SLC5A3: variants seen among roughly 807,000 people sequenced by gnomAD.
SLC5A3 encodes sodium/myo-inositol cotransporter.
SLC5A3 carries 10 observed loss-of-function variants against 43.2 expected under a neutral mutation model. That is an observed-to-expected ratio of 0.23 (90% CI 0.14 to 0.39). The LOEUF is 0.39. Among genes scored for constraint, SLC5A3 ranks in the 10% least tolerant of loss-of-function variants. SLC5A3 has a pLI of 1.00. For missense variants in SLC5A3, 608 were observed against 893.4 expected (o/e 0.68, Z 4.07); for synonymous variants, 349 against 322.0 (o/e 1.08, Z -0.90).
In SLC5A3 at chr21:34,100,162, A is replaced by C; in HGVS notation, c.*2807A>C. On this transcript the variant is annotated 3_prime_UTR_variant, in exon 2 of 2. Transcript: ENST00000381151. ...AGCTAAAAGTCAAAATGAGGTGAGG[A>C]CACTGGTCTTGGAAGGTAGAGAAAA... The C allele has an allele frequency of 1.0e-6, 1 of 1,000,018 alleles. No individual in the cohort carries two copies. Among genetic ancestry groups the C allele is most frequent in the Non-Finnish European group, 1.2e-6 (1 of 829,744 alleles). The allele number at this position is 1,000,018 out of a possible 1,614,324, so 61.9% of individuals were successfully genotyped here. A position where few individuals can be genotyped will look rare whatever the true frequency, so the allele number is the denominator to read the frequency against.
rs1228898241 is a variant in SLC5A3, at chr21:34,101,685, A to G, written c.*4330A>G. On this transcript the variant is annotated 3_prime_UTR_variant, in exon 2 of 2. Coordinates refer to ENST00000381151, the MANE Select transcript of SLC5A3 (RefSeq NM_006933.7). ...TAAGGCATATTGGCATGGTGTGTGA[A>G]AGTGATGTTTTGCCCCAGTATTGAG... is the stretch of plus-strand genomic sequence containing the variant. 6 of 999,964 alleles carry G rather than the reference A, an allele frequency of 6.0e-6. No homozygotes were observed. The highest frequency in any genetic ancestry group is 1.7e-5 in the African/African-American group (1 of 57,224). 61.9% of individuals were successfully genotyped at this position (999,964 alleles called of 1,614,324 possible).
rs1408411296 is a variant in SLC5A3 at position 34,100,012 on chromosome 21, G to A, written c.*2657G>A. 1.2e-6 allele frequency: 1 copy of A among 817,928 alleles called. No homozygotes were observed. Among genetic ancestry groups the A allele is most frequent in the African/African-American group, 1.9e-5 (1 of 53,618 alleles). The allele number at this position is 817,928 out of a possible 1,614,324, so 50.7% of individuals were successfully genotyped here. A position where few individuals can be genotyped will look rare whatever the true frequency, so the allele number is the denominator to read the frequency against. ...ATGGACTGTCTTAAGCTAGCAAAATGTTCATACTTTACACTGACTAAATGG... is the reference window on the plus strand; with the variant it reads ...ATGGACTGTCTTAAGCTAGCAAAATATTCATACTTTACACTGACTAAATGG... On this transcript the variant is annotated 3_prime_UTR_variant, in exon 2 of 2. Coordinates refer to ENST00000381151, the MANE Select transcript of SLC5A3 (RefSeq NM_006933.7).
Position 34,097,231 on chromosome 21 carries a change from T to C in SLC5A3, c.2033T>C (p.Met678Thr), listed in dbSNP as rs781226805. 1.2e-6 allele frequency: 2 copies of C among 1,614,060 alleles called. No individual in the cohort carries two copies. The highest frequency in any genetic ancestry group is 3.3e-5 in the Admixed American group (2 of 60,022). The part of the protein sequence containing the change: ...SLSKRSLRDL[M>T]EEEAVCLQML... ...AGCAAGAGGAGTCTCAGAGACCTGA[T>C]GGAAGAGGAGGCTGTTTGTTTACAG... Residue 678 changes from methionine to threonine, a missense_variant, in exon 2 of 2, where the codon ATG (methionine) becomes ACG (threonine). Transcript: ENST00000381151.
chr21:34,100,110 G>A lies in SLC5A3; in HGVS notation c.*2755G>A. On this transcript the variant is annotated 3_prime_UTR_variant, in exon 2 of 2. Transcript: ENST00000381151. ...TTATATTAGCTCAAGCTAAGGTTCA[G>A]AATTGAAGCTTGATATTGACTAGAA... The A allele has an allele frequency of 1.0e-6, 1 of 999,108 alleles. No homozygotes were observed. Among genetic ancestry groups the A allele is most frequent in the African/African-American group, 1.7e-5 (1 of 57,326 alleles). 61.9% of individuals were successfully genotyped at this position (999,108 alleles called of 1,614,324 possible).
intron 1 of SLC5A3, among the ~76,000 whole-genome samples, chr21:34,075,810 T>G (rs1468249975): frequency 6.6e-6 from 1 of 152,222 alleles, no homozygotes; most frequent in Non-Finnish European, 1.5e-5. Context: ...GCTTTCAGTT[T>G]AGGAAAATAG....
intron 1 of SLC5A3, among the ~76,000 whole-genome samples, chr21:34,075,972 G>C (rs1229206153): frequency 6.6e-6 from 1 of 152,216 alleles, no homozygotes; most frequent in Non-Finnish European, 1.5e-5. Flanking sequence ...TGCTTCTGTT[G>C]CAAGAAGGGT....
chr21:34,100,829 G>T lies in SLC5A3; in HGVS notation c.*3474G>T, dbSNP rs940821675. 8.0e-6 allele frequency: 8 copies of T among 1,000,116 alleles called. No individual in the cohort carries two copies. The highest frequency in any genetic ancestry group is 9.6e-6 in the Non-Finnish European group (8 of 829,974). 62.0% of individuals were successfully genotyped at this position (1,000,116 alleles called of 1,614,324 possible). On this transcript the variant is annotated 3_prime_UTR_variant, in exon 2 of 2. Transcript: ENST00000381151. Reference sequence around the variant, plus strand: ...CTTTGAATATCATTTGGTGTGGCCTGTGGGTTATTTTCATTCTTTACCACC... The same window carrying T: ...CTTTGAATATCATTTGGTGTGGCCTTTGGGTTATTTTCATTCTTTACCACC...
chr21:34,088,046 A>C (rs1208361951), intron 1 of SLC5A3, among the ~76,000 whole-genome samples: 2 of 152,196 alleles, frequency 1.3e-5, no homozygotes, highest in Non-Finnish European at 2.9e-5. Flanking sequence ...AATTATTCAT[A>C]CCCCGGAACA....
rs901428730 is a variant in SLC5A3, at chr21:34,103,607, A to G, written c.*6252A>G. 1.0e-6 allele frequency: 1 copy of G among 1,000,110 alleles called. No individual in the cohort carries two copies. Among genetic ancestry groups the G allele is most frequent in the African/African-American group, 1.7e-5 (1 of 57,236 alleles). 62.0% of individuals were successfully genotyped at this position (1,000,110 alleles called of 1,614,324 possible). On this transcript the variant is annotated 3_prime_UTR_variant, in exon 2 of 2. Transcript: ENST00000381151. Reference sequence around the variant, plus strand: ...TGTTCACACATTAGTGTACCCACACATAGAAAGCACAAGACTAATAGTATT... The same window carrying G: ...TGTTCACACATTAGTGTACCCACACGTAGAAAGCACAAGACTAATAGTATT...
At chr21:34,083,281 A>T (rs926180373) in intron 1 of SLC5A3, among the ~76,000 whole-genome samples, 2 of 152,178 alleles carry the variant, frequency 1.3e-5, no homozygotes, top group Non-Finnish European at 2.9e-5. Flanking sequence ...GCTCTTGCAA[A>T]TCCATGTGTC....
intron 1 of SLC5A3, among the ~76,000 whole-genome samples, chr21:34,074,124 C>G (rs1308667070): frequency 6.7e-6 from 1 of 148,576 alleles, no homozygotes; most frequent in South Asian, 2.1e-4. Context: ...GACTCCGGCC[C>G]GTCCCCGCCA....
rs1325268695 is a variant in SLC5A3 at position 34,087,799 on chromosome 21, T to C, written c.-336-7064T>C. 2.0e-5 allele frequency among the ~76,000 whole-genome samples: 3 copies of C among 152,360 alleles called. No individual in the cohort carries two copies. In the East Asian group the frequency reaches 5.8e-4, roughly 29 times the overall value. On this transcript the variant is annotated intron_variant, in intron 1 of 1. Transcript: ENST00000381151. ...GCATGGAGACAAGAGGCTGGGACAG[T>C]GATCTGGATGAGATGGAATGGTGAT...
intron 1 of SLC5A3, among the ~76,000 whole-genome samples, chr21:34,085,769 A>AT (rs1160917645): frequency 1.3e-5 from 2 of 151,922 alleles, no homozygotes; most frequent in African/African-American, 2.4e-5. Flanking sequence ...CACCCAGCTA[A>AT]TTTTTTGTAG....
In SLC5A3 at chr21:34,096,963, G is replaced by A. The variant is rs759153878; in HGVS notation, c.1765G>A (p.Gly589Arg). 4.3e-5 allele frequency: 69 copies of A among 1,613,990 alleles called. No homozygotes were observed. The highest frequency in any genetic ancestry group is 5.6e-5 in the Non-Finnish European group (66 of 1,179,990). ...GACCATCAACCACATCATTCCCAACGGGAAATCTGAAGACAGCATTAAGGG... is the reference window on the plus strand; with the variant it reads ...GACCATCAACCACATCATTCCCAACAGGAAATCTGAAGACAGCATTAAGGG... The part of the protein sequence containing the change: ...NETINHIIPN[G>R]KSEDSIKGLQ... Residue 589 changes from glycine to arginine, a missense_variant, in exon 2 of 2, where the codon GGG becomes AGG. Gly to Arg is a moderately radical substitution (Grantham distance 125, BLOSUM62 -2). Transcript: ENST00000381151. The surrounding 1 kb of genome is among the most constrained non-coding windows in gnomAD (Gnocchi z 5.9).
Position 34,104,416 on chromosome 21 carries a change from C to T in SLC5A3, c.*7061C>T, listed in dbSNP as rs2148662646. On this transcript the variant is annotated 3_prime_UTR_variant, in exon 2 of 2. Transcript: ENST00000381151. ...TTGTTTATCAAGAATGAATGAATGTCTTTGTCTTAAATTTTGCCCATGTGT... is the reference window on the plus strand; with the variant it reads ...TTGTTTATCAAGAATGAATGAATGTTTTTGTCTTAAATTTTGCCCATGTGT... 1 of 1,000,112 alleles carries T rather than the reference C, an allele frequency of 1.0e-6. No homozygotes were observed. Among genetic ancestry groups the T allele is most frequent in the Admixed American group, 6.1e-5 (1 of 16,264 alleles). The allele number at this position is 1,000,112 out of a possible 1,614,324, so 62.0% of individuals were successfully genotyped here.
At chr21:34,080,024 C>A (rs1258649013) in intron 1 of SLC5A3, among the ~76,000 whole-genome samples, 1 of 152,120 alleles carries the variant, frequency 6.6e-6, no homozygotes, top group African/African-American at 2.4e-5. Flanking sequence ...TCTTCTCTGC[C>A]CTAGTTGAAC....
intron 1 of SLC5A3, among the ~76,000 whole-genome samples, chr21:34,088,944 G>A (rs886963159): frequency 6.6e-6 from 1 of 151,730 alleles, no homozygotes; most frequent in African/African-American, 2.4e-5. Flanking sequence ...CAAGCAGATA[G>A]TGTTGAGCCT....
chr21:34,096,693 C>T lies in SLC5A3; in HGVS notation c.1495C>T (p.Pro499Ser). 1 of 1,614,106 alleles carries T rather than the reference C, an allele frequency of 6.2e-7. No individual in the cohort carries two copies. Among genetic ancestry groups the T allele is most frequent in the Non-Finnish European group, 8.5e-7 (1 of 1,180,000 alleles). ...CTACCGTGCCCCAGAATGTGACCAA[C>T]CTGATAATAGGCCGGGCTTCATCAA... ...FAYRAPECDQ[P>S]DNRPGFIKDI... Residue 499 changes from proline (P) to serine (S), a missense_variant, in exon 2 of 2, where the codon CCT becomes TCT. Pro to Ser is a moderately conservative substitution (Grantham distance 74, BLOSUM62 -1). Around this residue, in one of 2 missense-constraint regions of SLC5A3, gnomAD observed 398 missense variants for 668.6 expected, o/e 0.60. Coordinates refer to ENST00000381151, the MANE Select transcript of SLC5A3 (RefSeq NM_006933.7). The surrounding 1 kb of genome is among the most constrained non-coding windows in gnomAD (Gnocchi z 5.9).
chr21:34,074,172 G>T (rs1193706200), intron 1 of SLC5A3, among the ~76,000 whole-genome samples: 5 of 149,564 alleles, frequency 3.3e-5, no homozygotes, highest in African/African-American at 1.2e-4. Context: ...CGCCGCCGCC[G>T]CCTGGTCCGT....
Sources: gnomAD v4.1 joint callset for allele counts (sites outside exome capture counted in the v4.1 genomes callset) on GRCh38, gnomAD v4.1.1 for gene constraint, gnomAD v4.1.1 regional missense constraint, Gnocchi (gnomAD v3.1) non-coding constraint, MANE v1.5 for transcripts, NCBI Gene and HGNC (gene_info 2026-07-23, HGNC 2026-07-21) for gene names.